Variants in CSMD3 observed in about 807,000 individuals in gnomAD.
The protein encoded by CSMD3 is CUB and Sushi multiple domains 3.
In CSMD3, 177 loss-of-function variants were observed where a neutral mutation model predicts 435.2. The observed-to-expected ratio is 0.41, with a 90% CI of 0.36 to 0.46. CSMD3 has a LOEUF of 0.46. Ranked by LOEUF, CSMD3 falls within the 20% of genes least tolerant of loss-of-function variation. The probability of loss-of-function intolerance (pLI) is 0.34; values close to 1 mark genes in which losing one functional copy is unlikely to be tolerated. For synonymous variants in CSMD3, 1,656 were observed against 1,520.5 expected, an observed-to-expected ratio of 1.09 and a Z score of -2.07; for missense variants, 4,265 against 4,504.6, an observed-to-expected ratio of 0.95 and a Z score of 1.52.
Position 113,096,963 on chromosome 8 carries a change from G to C in CSMD3, c.917+1793C>G, listed in dbSNP as rs556565680. Among the ~76,000 whole-genome samples the C allele has an allele frequency of 9.2e-5, 14 of 152,118 alleles. No individual in the cohort carries two copies. The South Asian group carries it at 2.9e-3, about 32-fold the overall frequency. On this transcript the variant is annotated intron_variant, in intron 5 of 70. Transcript: ENST00000297405. The stretch of plus-strand genomic sequence containing the variant: ...TCTTTCTTATCACTCTCTAGACAGA[G>C]TGTAGGGGTACCTTATTTATGTTGA...
chr8:112,491,476 A>C (rs987942123), intron 31 of CSMD3, among the ~76,000 whole-genome samples: 3 of 151,888 alleles, frequency 2.0e-5, no homozygotes, highest in Non-Finnish European at 4.4e-5. Context: ...GCAACATTGC[A>C]AAAACTCTAC....
chr8:112,518,443 G>A (rs1823912510), intron 27 of CSMD3, among the ~76,000 whole-genome samples: 2 of 152,086 alleles, frequency 1.3e-5, no homozygotes, highest in African/African-American at 4.8e-5. Context: ...AGGAGGTCAA[G>A]GCTACAGTGA....
chr8:113,071,379 C>CA (rs1436921111), intron 5 of CSMD3, among the ~76,000 whole-genome samples: 13 of 151,584 alleles, frequency 8.6e-5, no homozygotes, highest in Middle Eastern at 3.2e-3. Flanking sequence ...GTGTCATAGC[C>CA]AAAAAAATCA....
chr8:113,348,611 G>A (rs1244686954), intron 1 of CSMD3, among the ~76,000 whole-genome samples: 1 of 152,016 alleles, frequency 6.6e-6, no homozygotes, highest in Non-Finnish European at 1.5e-5. Flanking sequence ...GCATGTGGGA[G>A]GGACAGGTGG....
intron 1 of CSMD3, among the ~76,000 whole-genome samples, chr8:113,355,769 G>GT (rs1383112366): frequency 1.6e-4 from 12 of 74,468 alleles, no homozygotes; most frequent in South Asian, 6.3e-4. Context: ...CACACACACG[G>GT]GGTGTGTGTG....
intron 5 of CSMD3, among the ~76,000 whole-genome samples, chr8:113,027,417 CT>C (rs2086914404): frequency 6.6e-6 from 1 of 152,144 alleles, no homozygotes; most frequent in South Asian, 2.1e-4. Flanking sequence ...AATTAATTCA[CT>C]TATGGAATGA....
chr8:112,953,825 TAA>T (rs2130828078), intron 8 of CSMD3, among the ~76,000 whole-genome samples: 2 of 151,398 alleles, frequency 1.3e-5, no homozygotes, highest in South Asian at 4.1e-4. Flanking sequence ...TGAAGAAAAA[TAA>T]AGTTAAAAAA....
chr8:113,156,502 A>G (rs537892173), intron 4 of CSMD3, among the ~76,000 whole-genome samples: 1 of 151,930 alleles, frequency 6.6e-6, no homozygotes, highest in East Asian at 1.9e-4. Flanking sequence ...TACTAAAAAA[A>G]AATTAATATA....
At chr8:112,497,483 A>G in intron 30 of CSMD3, among the ~76,000 whole-genome samples, 1 of 27,122 alleles carries the variant, frequency 3.7e-5, no homozygotes, top group Non-Finnish European at 6.1e-5. Context: ...CTCCATAAAT[A>G]TATATATATA....
intron 1 of CSMD3, among the ~76,000 whole-genome samples, chr8:113,403,972 A>C (rs925205246): frequency 1.3e-5 from 2 of 151,394 alleles, no homozygotes; most frequent in African/African-American, 2.4e-5. Flanking sequence ...TGATTCCAAA[A>C]ACCAACTTAA....
At chr8:112,384,383 A>C (rs567476933) in intron 36 of CSMD3, among the ~76,000 whole-genome samples, 1 of 152,156 alleles carries the variant, frequency 6.6e-6, no homozygotes, top group Non-Finnish European at 1.5e-5. Context: ...TCTCCTGTCT[A>C]TTACAGTTTA....
intron 1 of CSMD3, among the ~76,000 whole-genome samples, chr8:113,434,796 G>C (rs1464034031): frequency 1.3e-5 from 2 of 152,142 alleles, no homozygotes; most frequent in African/African-American, 4.8e-5. Flanking sequence ...CGGTAGGTGC[G>C]GGCAGCCGGG....
At chr8:112,699,519 T>G (rs1332882989) in intron 13 of CSMD3, among the ~76,000 whole-genome samples, 1 of 152,208 alleles carries the variant, frequency 6.6e-6, no homozygotes, top group African/African-American at 2.4e-5. Context: ...TGTGGATTTT[T>G]GGCTGGATGT....
At chr8:112,594,673 G>A (rs532290679) in intron 22 of CSMD3, among the ~76,000 whole-genome samples, 135 of 152,266 alleles carry the variant, frequency 8.9e-4, no homozygotes, top group African/African-American at 3.1e-3. Flanking sequence ...ATCTGAGAAC[G>A]GGCAGACTGC....
intron 22 of CSMD3, among the ~76,000 whole-genome samples, chr8:112,618,920 T>A (rs1833858327): frequency 6.6e-6 from 1 of 152,160 alleles, no homozygotes; most frequent in South Asian, 2.1e-4. Context: ...AGATCATCTT[T>A]TTATTAAAAT....
At chr8:112,821,402 T>C (rs1161969473) in intron 12 of CSMD3, among the ~76,000 whole-genome samples, 1 of 152,130 alleles carries the variant, frequency 6.6e-6, no homozygotes, top group Non-Finnish European at 1.5e-5. Context: ...TAATGATCAA[T>C]GATGTTGATT....
intron 35 of CSMD3, among the ~76,000 whole-genome samples, chr8:112,399,364 G>A (rs1363752371): frequency 2.0e-5 from 3 of 151,410 alleles, no homozygotes; most frequent in South Asian, 4.2e-4. Context: ...GGGTTCAAGC[G>A]ATTCTCCTGC....
At chr8:112,313,472 T>A (rs1164601246) in intron 49 of CSMD3, among the ~76,000 whole-genome samples, 2 of 152,152 alleles carry the variant, frequency 1.3e-5, no homozygotes, top group African/African-American at 2.4e-5. Flanking sequence ...ATAGGTCAGA[T>A]AACACACAGC....
chr8:113,300,142 A>G (rs564856721), intron 2 of CSMD3, among the ~76,000 whole-genome samples: 10 of 136,976 alleles, frequency 7.3e-5, no homozygotes, highest in Non-Finnish European at 1.2e-4. Flanking sequence ...TGACAGAGTG[A>G]GACTCTGTCT....
Sources: allele counts gnomAD v4.1 joint callset (sites outside exome capture counted in the v4.1 genomes callset), GRCh38; gene constraint gnomAD v4.1.1; transcripts MANE v1.5; gene names NCBI Gene and HGNC (gene_info 2026-07-23, HGNC 2026-07-21).